Variants in TMEM268 observed in about 807,000 individuals in gnomAD.
The protein encoded by TMEM268 is transmembrane protein C9orf91.
Under a neutral mutation model 39.1 loss-of-function variants are expected in TMEM268, and 24 were observed. The observed-to-expected ratio is 0.61, with a 90% CI of 0.44 to 0.86. The LOEUF is 0.86. Ranked by LOEUF, TMEM268 falls within the 40% of genes least tolerant of loss-of-function variation. The pLI is 0.00. For synonymous variants in TMEM268, 176 were observed against 173.5 expected (o/e 1.01, Z -0.12); for missense variants, 409 against 428.6 (o/e 0.95, Z 0.40).
upstream of TMEM268, among the ~76,000 whole-genome samples, chr9:114,609,341 AAAC>A (rs201131980): frequency 0.025 from 3,713 of 151,144 alleles, 79 homozygotes; most frequent in East Asian, 0.064. Flanking sequence ...ACAAACAAAC[AAAC>A]AAGCATGTAC....
upstream of TMEM268, among the ~76,000 whole-genome samples, chr9:114,607,290 T>C (rs1225413874): frequency 6.6e-6 from 1 of 152,196 alleles, no homozygotes; most frequent in Non-Finnish European, 1.5e-5. Context: ...CCAAAAGGCT[T>C]ACTCTCTTTT....
the TMEM268 span, among the ~76,000 whole-genome samples, chr9:114,604,929 C>A: frequency 6.6e-6 from 1 of 152,294 alleles, no homozygotes; most frequent in Non-Finnish European, 1.5e-5. Context: ...ATTGAAGTCC[C>A]ATCAGATCAG....
At chr9:114,625,518 C>A (rs1200990911) in intron 3 of TMEM268, among the ~76,000 whole-genome samples, 1 of 148,752 alleles carries the variant, frequency 6.7e-6, no homozygotes, top group Non-Finnish European at 1.5e-5. Flanking sequence ...AATCTGGGCT[C>A]ACTGCAACCT....
intron 2 of TMEM268, chr9:114,622,031 T>C: frequency 1.0e-6 from 1 of 961,476 alleles, no homozygotes; most frequent in Non-Finnish European, 1.2e-6. Context: ...AGGAGGCTAC[T>C]GCAGAGGGCC....
chr9:114,640,466 G>C (rs1846855433), intron 8 of TMEM268, among the ~76,000 whole-genome samples: 1 of 152,164 alleles, frequency 6.6e-6, no homozygotes, highest in South Asian at 2.1e-4. Flanking sequence ...AAATTCATTA[G>C]CATACTCTTC....
intron 5 of TMEM268, among the ~76,000 whole-genome samples, chr9:114,633,226 A>T (rs549826243): frequency 6.7e-6 from 1 of 149,042 alleles, no homozygotes; most frequent in Admixed American, 6.7e-5. Flanking sequence ...CAGTGGCGTG[A>T]TCTCTGTGCA....
At position 114,643,197 on chromosome 9, in the gene TMEM268, C is replaced by T. The variant is rs1340743718; in HGVS notation, c.913C>T (p.Gln305Ter). ...CTACATCCGGCTTCTAGTGACCTCC[C>T]AGCTCCCTCAGGCAATGGGGACACG... ...GYYIRLLVTS[Q>*]LPQAMGTRHT... Residue 305 changes from glutamine (Q) to a stop codon, truncating the protein, a stop_gained, in exon 9 of 9, where the codon CAG becomes TAG. Coordinates refer to ENST00000288502, the MANE Select transcript of TMEM268 (RefSeq NM_153045.4). LOFTEE classifies it high-confidence loss of function. The T allele has an allele frequency of 2.5e-6, 4 of 1,614,084 alleles. No homozygotes were observed. In the Admixed American group the frequency reaches 6.7e-5, roughly 27 times the overall value.
chr9:114,608,384 G>A (rs1361265420), upstream of TMEM268, among the ~76,000 whole-genome samples: 1 of 152,232 alleles, frequency 6.6e-6, no homozygotes, highest in Non-Finnish European at 1.5e-5. Flanking sequence ...GTAAGTGGTA[G>A]AGCCTGGTGG....
At chr9:114,641,686 G>T (rs1322469965) in intron 8 of TMEM268, among the ~76,000 whole-genome samples, 3 of 152,102 alleles carry the variant, frequency 2.0e-5, no homozygotes, top group Non-Finnish European at 4.4e-5. Context: ...GCCCAGGCTG[G>T]AGTGCAATGG....
rs754249719 is a variant in TMEM268, at chr9:114,617,187, C to T, written c.-9C>T. 2.2e-5 allele frequency: 34 copies of T among 1,573,948 alleles called. No individual in the cohort carries two copies. Among genetic ancestry groups the T allele is most frequent in the South Asian group, 1.1e-4 (10 of 88,736 alleles). Reference sequence around the variant, plus strand: ...GAGAAGGGGAAGTAGAAACAGCTGGCGCCCTGCCATGGCCTGTGAACCACA... The same window carrying T: ...GAGAAGGGGAAGTAGAAACAGCTGGTGCCCTGCCATGGCCTGTGAACCACA... On this transcript the variant is annotated 5_prime_UTR_variant, in exon 2 of 9. Transcript: ENST00000288502.
At chr9:114,626,610 G>T (rs1846170537) in intron 3 of TMEM268, among the ~76,000 whole-genome samples, 1 of 152,216 alleles carries the variant, frequency 6.6e-6, no homozygotes, top group Non-Finnish European at 1.5e-5. Context: ...CAGAGTTTGG[G>T]CCCAGGGCTG....
At chr9:114,617,651 G>C (rs948050569) in intron 2 of TMEM268, among the ~76,000 whole-genome samples, 1 of 152,122 alleles carries the variant, frequency 6.6e-6, no homozygotes, top group African/African-American at 2.4e-5. Flanking sequence ...GCTCACTGGA[G>C]CCTGGAACTC....
Position 114,637,007 on chromosome 9 carries a change from C to G in TMEM268, c.603C>G (p.Phe201Leu). The stretch of plus-strand genomic sequence containing the variant: ...CCCCACAGCTTTGGTTTGTCTACTT[C>G]GACCTGGAGAACTGTGTGCAGTTTT... ...QSVIQLWFVYFDLENCVQFLS... is the reference protein window; with the variant it reads ...QSVIQLWFVYLDLENCVQFLS... Residue 201 changes from phenylalanine (F) to leucine (L), a missense_variant, in exon 7 of 9, where the codon TTC (phenylalanine) becomes TTG (leucine). Transcript: ENST00000288502. 1 of 1,613,240 alleles carries G rather than the reference C, an allele frequency of 6.2e-7. No individual in the cohort carries two copies. Among genetic ancestry groups the G allele is most frequent in the Non-Finnish European group, 8.5e-7 (1 of 1,179,346 alleles).
chr9:114,629,292 C>T (rs1427252451), intron 5 of TMEM268, among the ~76,000 whole-genome samples: 1 of 152,256 alleles, frequency 6.6e-6, no homozygotes, highest in Non-Finnish European at 1.5e-5. Context: ...ACAGGCAGGG[C>T]TGCTTCCTTC....
intron 8 of TMEM268, 114 bp from the exon 9 acceptor site, chr9:114,643,020 C>A: frequency 1.9e-6 from 2 of 1,062,508 alleles, no homozygotes; most frequent in Non-Finnish European, 2.8e-6. Flanking sequence ...TCCTAGAGAG[C>A]ATCACTGCTG....
chr9:114,637,222 C>A, intron 7 of TMEM268, 152 bp downstream of exon 7: 2 of 549,190 alleles, frequency 3.6e-6, no homozygotes, highest in Non-Finnish European at 6.6e-6. Flanking sequence ...GGAATTATGG[C>A]TGCTTTTCTG....
chr9:114,619,537 T>C (rs532388949), intron 2 of TMEM268, among the ~76,000 whole-genome samples: 1 of 152,334 alleles, frequency 6.6e-6, no homozygotes, highest in African/African-American at 2.4e-5. Context: ...GACCTAGACC[T>C]GGGAATGGTT....
chr9:114,604,156 C>T, the TMEM268 span, among the ~76,000 whole-genome samples: 1 of 152,042 alleles, frequency 6.6e-6, no homozygotes, highest in Non-Finnish European at 1.5e-5. Context: ...TATTGAACAA[C>T]TTCATAGCTA....
upstream of TMEM268, among the ~76,000 whole-genome samples, chr9:114,607,571 C>T (rs1056893914): frequency 6.6e-6 from 1 of 152,212 alleles, no homozygotes; most frequent in African/African-American, 2.4e-5. Context: ...GGGAGGATCA[C>T]TTGAGCCTAG....
Sources: allele counts gnomAD v4.1 joint callset (sites outside exome capture counted in the v4.1 genomes callset), GRCh38; gene constraint gnomAD v4.1.1; transcripts MANE v1.5; gene names NCBI Gene and HGNC (gene_info 2026-07-23, HGNC 2026-07-21).